SLC9A1: variants seen among roughly 807,000 people sequenced by gnomAD.
The protein encoded by SLC9A1 is solute carrier family 9 member A1.
SLC9A1 carries 22 observed loss-of-function variants against 67.9 expected under a neutral mutation model. That is an observed-to-expected ratio of 0.32 (90% CI 0.23 to 0.46). SLC9A1 has a LOEUF of 0.46. SLC9A1 is among the 20% of genes least tolerant of loss of function. The pLI is 1.00. For missense variants in SLC9A1, 686 were observed against 1,094.8 expected (o/e 0.63, Z 5.27); for synonymous variants, 421 against 471.8 (o/e 0.89, Z 1.40).
In SLC9A1 at chr1:27,109,854, ATCCTG is replaced by A; in HGVS notation, c.814-82_814-78del. 6.6e-7 allele frequency: 1 copy of A among 1,522,876 alleles called. No individual in the cohort carries two copies. The allele number at this position is 1,522,876 out of a possible 1,614,324, so 94.3% of individuals were successfully genotyped here. A position where few individuals can be genotyped will look rare whatever the true frequency, so the allele number is the denominator to read the frequency against. ...GGTTCCCTGGGGTCCACCCAGGGCA[ATCCTG>A]TCCCCTCCGTTAACCATGGCCACAA... is the stretch of plus-strand genomic sequence containing the variant. On this transcript the variant is annotated intron_variant, in intron 2 of 11. Transcript: ENST00000263980. This position sits in a 1 kb window ranked among gnomAD's most constrained non-coding sequence, Gnocchi z 5.5.
At chr1:27,126,922 G>A (rs908239551) in intron 1 of SLC9A1, among the ~76,000 whole-genome samples, 1 of 152,196 alleles carries the variant, frequency 6.6e-6, no homozygotes, top group Non-Finnish European at 1.5e-5. Flanking sequence ...CACCAAGAAG[G>A]CCTGGCAGGC....
At chr1:27,131,947 A>AAAAAAT in intron 1 of SLC9A1, among the ~76,000 whole-genome samples, 1,120 of 51,882 alleles carry the variant, frequency 0.022, 19 homozygotes, top group Non-Finnish European at 0.032. Context: ...AGAAAAAAAA[A>AAAAAAT]ATATATATAT....
chr1:27,139,720 G>A, intron 1 of SLC9A1, among the ~76,000 whole-genome samples: 1 of 152,050 alleles, frequency 6.6e-6, no homozygotes. Context: ...GGTTCTGCAT[G>A]ATCTGTGGCT....
In SLC9A1 at chr1:27,130,069, C is replaced by T. The variant is rs76667106; in HGVS notation, c.353-15783G>A. Among the ~76,000 whole-genome samples, 538 of 152,282 alleles carry T rather than the reference C, an allele frequency of 3.5e-3. 3 individuals are homozygous for T. The highest frequency in any genetic ancestry group is 0.015 in the East Asian group (78 of 5,174). On this transcript the variant is annotated intron_variant, in intron 1 of 11. Coordinates refer to ENST00000263980, the MANE Select transcript of SLC9A1 (RefSeq NM_003047.5). ...GCTGTGTGACCTTGGGCAGGTCACTCACCCATTCTAAACTGTTGGTCTTTC... is the reference window on the plus strand; with the variant it reads ...GCTGTGTGACCTTGGGCAGGTCACTTACCCATTCTAAACTGTTGGTCTTTC...
chr1:27,105,674 G>A lies in SLC9A1; in HGVS notation c.1485+211C>T, dbSNP rs969365097. The A allele has an allele frequency of 5.6e-6, 4 of 711,748 alleles. No individual in the cohort carries two copies. The East Asian group carries it at 8.1e-5, about 14-fold the overall frequency. The allele number at this position is 711,748 out of a possible 1,614,324, so 44.1% of individuals were successfully genotyped here. A position where few individuals can be genotyped will look rare whatever the true frequency, so the allele number is the denominator to read the frequency against. On this transcript the variant is annotated intron_variant, in intron 5 of 11. Coordinates refer to ENST00000263980, the MANE Select transcript of SLC9A1 (RefSeq NM_003047.5). ...TTCTGGTTCCTTTACATTCTGATCAGTCACTCTGCAATGACTCATCACAAT... is the reference window on the plus strand; with the variant it reads ...TTCTGGTTCCTTTACATTCTGATCAATCACTCTGCAATGACTCATCACAAT...
intron 4 of SLC9A1, among the ~76,000 whole-genome samples, chr1:27,107,088 C>A (rs1383431787): frequency 6.8e-5 from 8 of 116,932 alleles, no homozygotes; most frequent in East Asian, 6.1e-4. Flanking sequence ...ACACATATAC[C>A]CCCAGCCCCT....
rs1054379558 is a variant in SLC9A1 at position 27,146,666 on chromosome 1, C to A, written c.352+7317G>T. ...TGGTGACCTGTACCTGTGGTCCCAG[C>A]TACTCAGGAGGCTGAGGTGGGGGGA... On this transcript the variant is annotated intron_variant, in intron 1 of 11. Coordinates refer to ENST00000263980, the MANE Select transcript of SLC9A1 (RefSeq NM_003047.5). 2.0e-5 allele frequency among the ~76,000 whole-genome samples: 3 copies of A among 152,158 alleles called. No individual in the cohort carries two copies. In the East Asian group the frequency reaches 5.8e-4, roughly 29 times the overall value.
chr1:27,107,462 T>TACAC (rs372435274), intron 4 of SLC9A1, among the ~76,000 whole-genome samples, 186 bp downstream of exon 4: 2 of 132,046 alleles, frequency 1.5e-5, no homozygotes, highest in Non-Finnish European at 3.2e-5. Context: ...GCAATACGCA[T>TACAC]ACACACACAC....
rs2083420606 is a variant in SLC9A1 at position 27,136,390 on chromosome 1, G to GA, written c.352+17592dup. ...TAACTAGCCCTGGCCCACAATAAGG[G>GA]AATTTCCAAGCAGAGCTGGGCCTGG... On this transcript the variant is annotated intron_variant, in intron 1 of 11. Coordinates refer to ENST00000263980, the MANE Select transcript of SLC9A1 (RefSeq NM_003047.5). Among the ~76,000 whole-genome samples, 3 of 152,322 alleles carry GA rather than the reference G, an allele frequency of 2.0e-5. No individual in the cohort carries two copies. The South Asian group carries it at 6.2e-4, about 32-fold the overall frequency.
chr1:27,130,574 T>C (rs2083377884), intron 1 of SLC9A1, among the ~76,000 whole-genome samples: 1 of 152,158 alleles, frequency 6.6e-6, no homozygotes, highest in Non-Finnish European at 1.5e-5. Flanking sequence ...TCAAAACCCA[T>C]GTGCAATGCC....
Position 27,101,687 on chromosome 1 carries a change from G to A in SLC9A1, c.2037+38C>T, listed in dbSNP as rs751687523. The A allele has an allele frequency of 1.4e-6, 2 of 1,421,368 alleles. No individual in the cohort carries two copies. Among genetic ancestry groups the A allele is most frequent in the African/African-American group, 1.4e-5 (1 of 71,102 alleles). 88.0% of individuals were successfully genotyped at this position (1,421,368 alleles called of 1,614,324 possible). A position where few individuals can be genotyped will look rare whatever the true frequency, so the allele number is the denominator to read the frequency against. ...GGCTGTGGCGGAGCTTGGGCGAGTG[G>A]GGTGGGATACAGATTCCCAGAGGAA... On this transcript the variant is annotated intron_variant, in intron 10 of 11. Coordinates refer to ENST00000263980, the MANE Select transcript of SLC9A1 (RefSeq NM_003047.5). The surrounding 1 kb of genome is among the most constrained non-coding windows in gnomAD (Gnocchi z 4.9).
chr1:27,120,050 G>A (rs938218438), intron 1 of SLC9A1, among the ~76,000 whole-genome samples: 6 of 151,846 alleles, frequency 4.0e-5, no homozygotes, highest in Non-Finnish European at 8.8e-5. Flanking sequence ...CCAGCCTGGT[G>A]ACAGAGCAAG....
At chr1:27,147,085 A>T (rs1458901153) in intron 1 of SLC9A1, among the ~76,000 whole-genome samples, 1 of 151,832 alleles carries the variant, frequency 6.6e-6, no homozygotes, top group Non-Finnish European at 1.5e-5. Flanking sequence ...CAGCCTGGCC[A>T]ATATGGTGAA....
intron 1 of SLC9A1, among the ~76,000 whole-genome samples, chr1:27,138,421 A>T (rs1245621223): frequency 1.3e-5 from 2 of 151,170 alleles, no homozygotes; most frequent in African/African-American, 2.5e-5. Flanking sequence ...CTTTGTCCAC[A>T]TCCAATGCTC....
intron 1 of SLC9A1, among the ~76,000 whole-genome samples, chr1:27,121,094 G>A (rs372975452): frequency 4.3e-4 from 65 of 152,106 alleles, no homozygotes; most frequent in African/African-American, 1.4e-3. Context: ...CAAGTACCTG[G>A]GCAAGCATCC....
chr1:27,128,569 T>C (rs1403946550), intron 1 of SLC9A1, among the ~76,000 whole-genome samples: 2 of 150,232 alleles, frequency 1.3e-5, no homozygotes, highest in Non-Finnish European at 3.0e-5. Context: ...GGTGGGAGGA[T>C]CACCTGAGCC....
At position 27,099,870 on chromosome 1, in the gene SLC9A1, C is replaced by T. The variant is rs564472575; in HGVS notation, c.*437G>A. ...CATGTGCCTGGTACCCCTGGTTTGT[C>T]CCCTGATAAAGCAGGGCCTACTCAA... On this transcript the variant is annotated 3_prime_UTR_variant, in exon 12 of 12. Transcript: ENST00000263980. 6.2e-6 allele frequency: 1 copy of T among 162,224 alleles called. No homozygotes were observed. The highest frequency in any genetic ancestry group is 1.3e-5 in the Non-Finnish European group (1 of 75,020). The allele number at this position is 162,224 out of a possible 1,614,324, so 10.0% of individuals were successfully genotyped here.
At chr1:27,120,442 A>G (rs968135439) in intron 1 of SLC9A1, among the ~76,000 whole-genome samples, 1 of 151,566 alleles carries the variant, frequency 6.6e-6, no homozygotes, top group African/African-American at 2.4e-5. Flanking sequence ...TACTTTTTTT[A>G]AAATGTAGCA....
Position 27,114,273 on chromosome 1 carries a change from G to C in SLC9A1, c.366C>G (p.Ile122Met). 6.2e-7 allele frequency: 1 copy of C among 1,609,282 alleles called. No homozygotes were observed. Among genetic ancestry groups the C allele is most frequent in the Non-Finnish European group, 8.5e-7 (1 of 1,175,944 alleles). ...CCGGGACGATGCTTGAGATAGTGGG[G>C]ATCACATGGAAACCTGCGGAGGGCG... Reference protein sequence around the residue: ...ACLMKIGFHVIPTISSIVPES... With the variant: ...ACLMKIGFHVMPTISSIVPES... Residue 122 changes from isoleucine (I) to methionine (M), a missense_variant, in exon 2 of 12, where the codon ATC becomes ATG. Physicochemically the swap from Ile to Met is conservative, Grantham distance 10. Transcript: ENST00000263980. The surrounding 1 kb of genome is among the most constrained non-coding windows in gnomAD (Gnocchi z 5.4).
Sources: gnomAD v4.1 joint callset for allele counts (sites outside exome capture counted in the v4.1 genomes callset) on GRCh38, gnomAD v4.1.1 for gene constraint, Gnocchi (gnomAD v3.1) non-coding constraint, MANE v1.5 for transcripts, NCBI Gene and HGNC (gene_info 2026-07-23, HGNC 2026-07-21) for gene names.